Variants in ZNF385D observed in about 807,000 individuals in gnomAD.
ZNF385D encodes zinc finger protein 659.
A neutral mutation model predicts 35.8 loss-of-function variants in ZNF385D; 15 were observed. The ratio of observed to expected loss-of-function variants is 0.42; its 90% confidence interval spans 0.28 to 0.64. ZNF385D has a LOEUF of 0.64. Ranked by LOEUF, ZNF385D falls within the 30% of genes least tolerant of loss-of-function variation. The pLI, the probability that ZNF385D is intolerant of heterozygous loss-of-function variation, is 0.23. For synonymous variants in ZNF385D, 212 were observed against 186.8 expected (o/e 1.13, Z -1.10); for missense variants, 474 against 494.6 (o/e 0.96, Z 0.39).
intron 1 of ZNF385D, among the ~76,000 whole-genome samples, chr3:21,680,679 A>G (rs2066870980): frequency 6.6e-6 from 1 of 152,106 alleles, no homozygotes; most frequent in Non-Finnish European, 1.5e-5. Flanking sequence ...TTTCTTGTTT[A>G]TTTGCTATGC....
At chr3:22,318,977 T>C (rs907978020) in intron 2 of ZNF385D, among the ~76,000 whole-genome samples, 3 of 152,214 alleles carry the variant, frequency 2.0e-5, no homozygotes, top group African/African-American at 7.2e-5. Context: ...TTTAAAGCTG[T>C]GACTATTTTT....
At chr3:22,233,745 G>C (rs977833951) in intron 2 of ZNF385D, among the ~76,000 whole-genome samples, 2 of 152,010 alleles carry the variant, frequency 1.3e-5, no homozygotes, top group South Asian at 2.1e-4. Context: ...CATCTTTTGA[G>C]TTCCAGGGTG....
At chr3:21,578,414 C>CT (rs1388629012) in intron 2 of ZNF385D, among the ~76,000 whole-genome samples, 2 of 152,062 alleles carry the variant, frequency 1.3e-5, no homozygotes, top group African/African-American at 4.8e-5. Context: ...GACCAATGTA[C>CT]TAAAGTGTTT....
At chr3:22,003,952 T>A (rs1418275815) in intron 3 of ZNF385D, among the ~76,000 whole-genome samples, 2 of 148,770 alleles carry the variant, frequency 1.3e-5, no homozygotes, top group African/African-American at 5.0e-5. Flanking sequence ...CAATCCTGAG[T>A]AAAAAAAAAC....
At chr3:22,016,274 C>A (rs1343022598) in intron 3 of ZNF385D, among the ~76,000 whole-genome samples, 1 of 151,972 alleles carries the variant, frequency 6.6e-6, no homozygotes, top group East Asian at 1.9e-4. Context: ...AGGTATGCGT[C>A]CAAACTTTCT....
At chr3:21,957,010 T>G (rs77850180) in intron 3 of ZNF385D, 1 of 152,156 alleles carries the variant, frequency 6.6e-6, no homozygotes, top group African/African-American at 2.4e-5. Flanking sequence ...GGGGGCATAA[T>G]TGAATCATGG....
chr3:21,607,664 T>C (rs528019493), intron 2 of ZNF385D, among the ~76,000 whole-genome samples: 1 of 152,168 alleles, frequency 6.6e-6, no homozygotes, highest in South Asian at 2.1e-4. Flanking sequence ...CAGATACTGG[T>C]TTAGGTTCTG....
At chr3:21,834,430 T>A (rs1695196506) in intron 3 of ZNF385D, among the ~76,000 whole-genome samples, 1 of 152,152 alleles carries the variant, frequency 6.6e-6, no homozygotes, top group East Asian at 1.9e-4. Flanking sequence ...TTTAGGTGTA[T>A]CCTCTTTCTT....
intron 2 of ZNF385D, among the ~76,000 whole-genome samples, chr3:22,226,341 A>G (rs1241395337): frequency 6.6e-6 from 1 of 152,056 alleles, no homozygotes; most frequent in South Asian, 2.1e-4. Flanking sequence ...TTAGAGTCAT[A>G]AACAGACAAT....
intron 2 of ZNF385D, among the ~76,000 whole-genome samples, chr3:21,660,850 A>G (rs2066217608): frequency 6.6e-6 from 1 of 152,190 alleles, no homozygotes; most frequent in Non-Finnish European, 1.5e-5. Flanking sequence ...GCCTTTGTCC[A>G]CAGTTACAGA....
chr3:22,105,349 A>T (rs1702150619), intron 3 of ZNF385D, among the ~76,000 whole-genome samples: 1 of 151,944 alleles, frequency 6.6e-6, no homozygotes, highest in Non-Finnish European at 1.5e-5. Context: ...AGGACTCACT[A>T]GATAAACACA....
chr3:22,128,735 G>A (rs1275408661), intron 3 of ZNF385D, among the ~76,000 whole-genome samples: 3 of 151,952 alleles, frequency 2.0e-5, no homozygotes, highest in African/African-American at 7.2e-5. Context: ...CAGAATTTCT[G>A]CTTGATTCTT....
intron 3 of ZNF385D, among the ~76,000 whole-genome samples, chr3:21,982,484 C>T (rs182057129): frequency 7.2e-5 from 11 of 152,184 alleles, no homozygotes; most frequent in Admixed American, 3.9e-4. Flanking sequence ...AGCTTTTGGG[C>T]TGAGACTATG....
intron 2 of ZNF385D, among the ~76,000 whole-genome samples, chr3:22,241,895 A>G (rs1417817512): frequency 1.3e-5 from 2 of 150,980 alleles, no homozygotes; most frequent in Admixed American, 6.6e-5. Flanking sequence ...TTCACATTTC[A>G]ACATAGTACT....
intron 3 of ZNF385D, among the ~76,000 whole-genome samples, chr3:21,918,856 A>T (rs535784338): frequency 1.3e-4 from 20 of 152,296 alleles, no homozygotes; most frequent in African/African-American, 4.6e-4. Context: ...TCGTGATTTT[A>T]ATCAATGTCT....
chr3:21,639,151 A>T (rs2065529846), intron 2 of ZNF385D, among the ~76,000 whole-genome samples: 1 of 152,118 alleles, frequency 6.6e-6, no homozygotes, highest in African/African-American at 2.4e-5. Flanking sequence ...GATAAAAAGC[A>T]TATAGAAATA....
intron 4 of ZNF385D, among the ~76,000 whole-genome samples, chr3:21,440,838 G>T (rs1200862382): frequency 6.6e-6 from 1 of 152,066 alleles, no homozygotes; most frequent in Non-Finnish European, 1.5e-5. Flanking sequence ...GAAGCTTAAT[G>T]GCTTTATAGC....
At chr3:22,282,601 G>A (rs1183815532) in intron 2 of ZNF385D, among the ~76,000 whole-genome samples, 1 of 151,978 alleles carries the variant, frequency 6.6e-6, no homozygotes, top group Non-Finnish European at 1.5e-5. Flanking sequence ...GAGAGTATTT[G>A]CTATAATTTT....
chr3:22,317,280 CAAAAAAAAAAAAAAAA>C lies in ZNF385D; in HGVS notation c.106+55154_106+55169del, dbSNP rs59675675. ...GGAAACAAGAGTGAAACTCCATCTC[CAAAAAAAAAAAAAAAA>C]AAAAAAAAAGGAAAAAATAAAAGAA... On this transcript the variant is annotated intron_variant, in intron 2 of 5. Coordinates refer to the ZNF385D transcript ENST00000494108. 4.2e-4 allele frequency among the ~76,000 whole-genome samples: 11 copies of C among 26,104 alleles called. No individual in the cohort carries two copies. The South Asian group carries it at 9.1e-3, about 21-fold the overall frequency. The allele number at this position is 26,104 out of a possible 152,430, so 17.1% of individuals were successfully genotyped here. A position where few individuals can be genotyped will look rare whatever the true frequency, so the allele number is the denominator to read the frequency against.
Sources: gnomAD v4.1 joint callset for allele counts (sites outside exome capture counted in the v4.1 genomes callset) on GRCh38, gnomAD v4.1.1 for gene constraint, MANE v1.5 for transcripts, NCBI Gene and HGNC (gene_info 2026-07-23, HGNC 2026-07-21) for gene names.